SCHIP1: variants seen among roughly 807,000 people sequenced by gnomAD.
The protein encoded by SCHIP1 is schwannomin interacting protein 1, also known as schwannomin-interacting protein 1.
SCHIP1 carries 8 observed loss-of-function variants against 29.7 expected under a neutral mutation model. That is an observed-to-expected ratio of 0.27 (90% CI 0.16 to 0.49). The LOEUF is 0.49. SCHIP1 is among the 20% of genes least tolerant of loss of function. The probability of loss-of-function intolerance (pLI) is 0.99; values close to 1 mark genes in which losing one functional copy is unlikely to be tolerated. For synonymous variants in SCHIP1, 76 were observed against 94.9 expected, an observed-to-expected ratio of 0.80 and a Z score of 1.16; for missense variants, 193 against 294.6, an observed-to-expected ratio of 0.66 and a Z score of 2.52.
chr3:159,763,250 G>A, the SCHIP1 span, among the ~76,000 whole-genome samples: 4 of 152,110 alleles, frequency 2.6e-5, no homozygotes, highest in African/African-American at 9.6e-5. Context: ...TGACCACCGA[G>A]CACACGTCAC....
chr3:159,468,777 A>ATTTT, the SCHIP1 span, among the ~76,000 whole-genome samples: 2,489 of 127,312 alleles, frequency 0.02, 85 homozygotes, highest in African/African-American at 0.064. Context: ...ATATATATAT[A>ATTTT]TTTTTTTTAG....
the SCHIP1 span, among the ~76,000 whole-genome samples, chr3:159,525,948 A>G: frequency 1.3e-5 from 2 of 152,192 alleles, no homozygotes; most frequent in South Asian, 2.1e-4. Flanking sequence ...AATGTGAGGT[A>G]TTTATTTAAT....
At chr3:159,763,010 T>C in the SCHIP1 span, among the ~76,000 whole-genome samples, 1 of 152,168 alleles carries the variant, frequency 6.6e-6, no homozygotes, top group Non-Finnish European at 1.5e-5. Flanking sequence ...CCTGTCTCCT[T>C]GCCAGGCAGG....
the SCHIP1 span, among the ~76,000 whole-genome samples, chr3:159,780,370 G>A: frequency 6.6e-6 from 1 of 152,164 alleles, no homozygotes; most frequent in Non-Finnish European, 1.5e-5. Context: ...GCCAGCATTG[G>A]TTTTAATTGC....
At chr3:159,586,891 T>C in the SCHIP1 span, among the ~76,000 whole-genome samples, 1 of 152,160 alleles carries the variant, frequency 6.6e-6, no homozygotes, top group Non-Finnish European at 1.5e-5. Context: ...CCATGGCAAT[T>C]AGGAAATTTA....
chr3:159,680,205 A>T, the SCHIP1 span, among the ~76,000 whole-genome samples: 4 of 152,032 alleles, frequency 2.6e-5, no homozygotes, highest in African/African-American at 9.7e-5. Context: ...AATATGTTAG[A>T]ACATTTATTA....
At chr3:159,466,286 C>A in the SCHIP1 span, among the ~76,000 whole-genome samples, 1 of 151,846 alleles carries the variant, frequency 6.6e-6, no homozygotes, top group Non-Finnish European at 1.5e-5. Context: ...TACTGCACTG[C>A]AGACTGGGTG....
chr3:159,519,898 T>C, the SCHIP1 span, among the ~76,000 whole-genome samples: 1 of 151,308 alleles, frequency 6.6e-6, no homozygotes, highest in Non-Finnish European at 1.5e-5. Context: ...TATGTATGCA[T>C]GTACGTGGAA....
the SCHIP1 span, among the ~76,000 whole-genome samples, chr3:159,494,673 G>T: frequency 5.9e-5 from 9 of 152,108 alleles, no homozygotes; most frequent in Non-Finnish European, 1.0e-4. Flanking sequence ...TCTATCAGAG[G>T]TACAAGGAGG....
chr3:159,590,088 G>C, the SCHIP1 span, among the ~76,000 whole-genome samples: 2 of 152,056 alleles, frequency 1.3e-5, no homozygotes, highest in Admixed American at 1.3e-4. Context: ...CCTGGGAGGA[G>C]GGGCCCCATG....
chr3:159,360,463 A>G, the SCHIP1 span, among the ~76,000 whole-genome samples: 2 of 152,182 alleles, frequency 1.3e-5, no homozygotes, highest in Non-Finnish European at 2.9e-5. Context: ...AACTCCTGGC[A>G]ATCATTGGTC....
chr3:159,542,432 CTAT>C, the SCHIP1 span, among the ~76,000 whole-genome samples: 21 of 152,118 alleles, frequency 1.4e-4, no homozygotes, highest in South Asian at 4.4e-3. Context: ...CTTGCATTTT[CTAT>C]TAATAGAGTT....
At chr3:159,424,202 TGAC>T in the SCHIP1 span, among the ~76,000 whole-genome samples, 7 of 152,092 alleles carry the variant, frequency 4.6e-5, no homozygotes, top group African/African-American at 1.7e-4. Context: ...AGAATGACTT[TGAC>T]GAGTTGAGAG....
chr3:159,892,158 T>A, exon 6 of SCHIP1: 1 of 1,614,172 alleles, frequency 6.2e-7, no homozygotes, highest in Non-Finnish European at 8.5e-7. Context: ...CAGAGCAGGA[T>A]GCCATGCTGG....
chr3:159,416,320 T>A, the SCHIP1 span, among the ~76,000 whole-genome samples: 1 of 152,218 alleles, frequency 6.6e-6, no homozygotes, highest in African/African-American at 2.4e-5. Flanking sequence ...ACCATCTACC[T>A]TACTAATTTT....
the SCHIP1 span, among the ~76,000 whole-genome samples, chr3:159,821,713 A>AT: frequency 1.3e-5 from 2 of 152,170 alleles, no homozygotes; most frequent in South Asian, 2.1e-4. Flanking sequence ...CTCAGCATTC[A>AT]TTTTTTTTCT....
the SCHIP1 span, among the ~76,000 whole-genome samples, chr3:159,403,648 T>C: frequency 2.0e-5 from 3 of 152,180 alleles, no homozygotes; most frequent in Non-Finnish European, 4.4e-5. Flanking sequence ...GAATCTGAGC[T>C]CCAGCAAACC....
chr3:159,675,948 A>T, the SCHIP1 span, among the ~76,000 whole-genome samples: 2 of 151,866 alleles, frequency 1.3e-5, no homozygotes, highest in Non-Finnish European at 2.9e-5. Flanking sequence ...CCTGACCAAC[A>T]TGGAGAAACT....
At chr3:159,328,778 C>T in the SCHIP1 span, among the ~76,000 whole-genome samples, 1 of 152,044 alleles carries the variant, frequency 6.6e-6, no homozygotes, top group Non-Finnish European at 1.5e-5. Flanking sequence ...TGGTTTTAAA[C>T]AAGAGAATGA....
Sources: gnomAD v4.1 joint callset for allele counts (sites outside exome capture counted in the v4.1 genomes callset) on GRCh38, gnomAD v4.1.1 for gene constraint, MANE v1.5 for transcripts, NCBI Gene and HGNC (gene_info 2026-07-23, HGNC 2026-07-21) for gene names.